ADGRL3: variants seen among roughly 807,000 people sequenced by gnomAD.
The protein encoded by ADGRL3 is calcium-independent alpha-latrotoxin receptor 3.
In ADGRL3, 62 loss-of-function variants were observed where a neutral mutation model predicts 153.5. That is an observed-to-expected ratio of 0.40 (90% confidence interval 0.33 to 0.50). The LOEUF (loss-of-function observed/expected upper bound fraction) is 0.50. ADGRL3 is among the 20% of genes least tolerant of loss of function. The pLI is 0.47. For missense variants in ADGRL3, 1,641 were observed against 1,859.4 expected, an observed-to-expected ratio of 0.88 and a Z score of 2.16; for synonymous variants, 710 against 672.5, an observed-to-expected ratio of 1.06 and a Z score of -0.86.
At chr4:61,408,463 C>T (rs2097033446) in intron 2 of ADGRL3, among the ~76,000 whole-genome samples, 1 of 151,242 alleles carries the variant, frequency 6.6e-6, no homozygotes, top group South Asian at 2.1e-4. Flanking sequence ...TGCTTTGTTG[C>T]CGACTATACA....
chr4:61,321,352 A>G (rs982250875), intron 1 of ADGRL3, among the ~76,000 whole-genome samples: 1 of 152,098 alleles, frequency 6.6e-6, no homozygotes, highest in African/African-American at 2.4e-5. Flanking sequence ...TCTGGCAAGG[A>G]CTTTGAATTG....
chr4:61,949,019 A>T (rs1232418682), intron 17 of ADGRL3, among the ~76,000 whole-genome samples: 1 of 149,384 alleles, frequency 6.7e-6, no homozygotes, highest in Non-Finnish European at 1.5e-5. Context: ...GAAACTCAGA[A>T]AAAAAAAAAA....
At chr4:61,497,587 C>G (rs1465721053) in intron 3 of ADGRL3, among the ~76,000 whole-genome samples, 43 of 144,976 alleles carry the variant, frequency 3.0e-4, no homozygotes, top group Non-Finnish European at 2.8e-4. Context: ...ACGATCTCGG[C>G]TTACTGCAAC....
chr4:61,314,396 A>T (rs2095130242), intron 1 of ADGRL3, among the ~76,000 whole-genome samples: 1 of 151,940 alleles, frequency 6.6e-6, no homozygotes. Flanking sequence ...TTTAGTAGAG[A>T]TGGGGTTTCT....
chr4:61,513,382 T>C (rs1459408820), intron 3 of ADGRL3, among the ~76,000 whole-genome samples: 2 of 152,200 alleles, frequency 1.3e-5, no homozygotes, highest in African/African-American at 4.8e-5. Flanking sequence ...TCTGGTATTA[T>C]CATCACAAAT....
chr4:61,794,532 G>A (rs527781553), intron 8 of ADGRL3, among the ~76,000 whole-genome samples: 1 of 152,282 alleles, frequency 6.6e-6, no homozygotes, highest in Admixed American at 6.5e-5. Flanking sequence ...ATTTTTCTGT[G>A]AATTCATTTG....
chr4:61,725,372 G>A (rs1202688388), intron 6 of ADGRL3, among the ~76,000 whole-genome samples: 1 of 151,990 alleles, frequency 6.6e-6, no homozygotes, highest in Non-Finnish European at 1.5e-5. Context: ...CAGCACTTTG[G>A]GAGGCTGAGA....
At chr4:61,227,029 C>T (rs1308867162) in intron 1 of ADGRL3, among the ~76,000 whole-genome samples, 1 of 1,756 alleles carries the variant, frequency 5.7e-4, no homozygotes, top group Non-Finnish European at 1.5e-3. Context: ...AGCTTTATAT[C>T]TAAATGAAAT....
At chr4:61,830,357 A>C (rs1241121093) in intron 9 of ADGRL3, among the ~76,000 whole-genome samples, 1 of 152,128 alleles carries the variant, frequency 6.6e-6, no homozygotes, top group African/African-American at 2.4e-5. Context: ...GAGTGAGATG[A>C]GACCTTCTCT....
chr4:61,625,099 T>C (rs1488699101), intron 5 of ADGRL3, among the ~76,000 whole-genome samples: 2 of 152,072 alleles, frequency 1.3e-5, no homozygotes, highest in African/African-American at 4.8e-5. Flanking sequence ...AACAATGTCA[T>C]GTGAACTTTG....
chr4:62,060,831 A>G (rs1739704136), intron 25 of ADGRL3, among the ~76,000 whole-genome samples: 1 of 151,944 alleles, frequency 6.6e-6, no homozygotes, highest in Admixed American at 6.6e-5. Flanking sequence ...ATTACACAAT[A>G]GATTGAAAAT....
At chr4:61,297,864 A>G (rs1252033896) in intron 1 of ADGRL3, among the ~76,000 whole-genome samples, 1 of 152,048 alleles carries the variant, frequency 6.6e-6, no homozygotes, top group Non-Finnish European at 1.5e-5. Context: ...CACCACTGCC[A>G]CTGCTACTAC....
chr4:61,714,365 CACACACACAA>C (rs1420456681), intron 6 of ADGRL3, among the ~76,000 whole-genome samples: 1 of 151,514 alleles, frequency 6.6e-6, no homozygotes, highest in Non-Finnish European at 1.5e-5. Flanking sequence ...CTTGAGTACA[CACACACACAA>C]ACACACACAC....
intron 8 of ADGRL3, among the ~76,000 whole-genome samples, chr4:61,770,453 G>A (rs575847173): frequency 6.6e-6 from 1 of 152,156 alleles, no homozygotes; most frequent in Non-Finnish European, 1.5e-5. Flanking sequence ...CACAAAGAAA[G>A]GATGTATGGT....
At chr4:61,964,552 A>C (rs959296137) in intron 17 of ADGRL3, among the ~76,000 whole-genome samples, 10 of 152,084 alleles carry the variant, frequency 6.6e-5, no homozygotes, top group Non-Finnish European at 1.3e-4. Flanking sequence ...CTTTGTGGCA[A>C]AATATAACTA....
intron 6 of ADGRL3, among the ~76,000 whole-genome samples, chr4:61,714,450 C>T (rs906198357): frequency 3.3e-5 from 5 of 152,146 alleles, no homozygotes; most frequent in East Asian, 1.9e-4. Context: ...ATTCTGATTT[C>T]GGCCAAACTG....
At chr4:61,915,598 A>G (rs114262881) in intron 13 of ADGRL3, among the ~76,000 whole-genome samples, 3,786 of 152,232 alleles carry the variant, frequency 0.025, 157 homozygotes, top group African/African-American at 0.087. Context: ...TTGACTGACT[A>G]TGAATAAATG....
chr4:61,646,217 G>A (rs1374346167), intron 5 of ADGRL3, among the ~76,000 whole-genome samples: 1 of 152,042 alleles, frequency 6.6e-6, no homozygotes, highest in South Asian at 2.1e-4. Context: ...CAACTTCTTT[G>A]CCTTTGGTTT....
chr4:61,878,257 A>G (rs1156795445), intron 9 of ADGRL3, among the ~76,000 whole-genome samples: 4 of 152,142 alleles, frequency 2.6e-5, no homozygotes, highest in East Asian at 1.9e-4. Flanking sequence ...TAAAAGCTCT[A>G]TGTCTCCAAC....
Sources: gnomAD v4.1 joint callset for allele counts (sites outside exome capture counted in the v4.1 genomes callset) on GRCh38, gnomAD v4.1.1 for gene constraint, MANE v1.5 for transcripts, NCBI Gene and HGNC (gene_info 2026-07-23, HGNC 2026-07-21) for gene names.